Variants in BABAM2 observed in about 807,000 individuals in gnomAD.
BABAM2 encodes BRISC and BRCA1-A complex member 2.
Under a neutral mutation model 54.7 loss-of-function variants are expected in BABAM2, and 31 were observed. That is an observed-to-expected ratio of 0.57 (90% CI 0.43 to 0.77). BABAM2 has a LOEUF of 0.77. Ranked by LOEUF, BABAM2 falls within the 30% of genes least tolerant of loss-of-function variation. BABAM2 has a pLI of 0.00. For missense variants in BABAM2, 364 were observed against 455.8 expected, an observed-to-expected ratio of 0.80 and a Z score of 1.83; for synonymous variants, 167 against 162.9, an observed-to-expected ratio of 1.03 and a Z score of -0.19.
chr2:27,984,472 A>T (rs2148479162), intron 3 of BABAM2, among the ~76,000 whole-genome samples: 1 of 152,218 alleles, frequency 6.6e-6, no homozygotes, highest in East Asian at 1.9e-4. Flanking sequence ...ACAATTGATC[A>T]TCTGAGATGA....
intron 3 of BABAM2, among the ~76,000 whole-genome samples, chr2:27,984,045 A>G (rs1338173122): frequency 2.1e-5 from 3 of 145,996 alleles, no homozygotes; most frequent in African/African-American, 5.1e-5. Flanking sequence ...GATTTTTTCA[A>G]TGTTTACCAG....
At chr2:27,982,258 TA>T (rs2148474135) in intron 3 of BABAM2, among the ~76,000 whole-genome samples, 1 of 152,212 alleles carries the variant, frequency 6.6e-6, no homozygotes, top group African/African-American at 2.4e-5. Context: ...ACAAGTCCTT[TA>T]TTAGCTATGT....
intron 10 of BABAM2, among the ~76,000 whole-genome samples, chr2:28,266,383 T>G (rs554657964): frequency 5.9e-5 from 9 of 152,326 alleles, no homozygotes; most frequent in Admixed American, 3.9e-4. Flanking sequence ...GATGTGCAGT[T>G]CTTAACCTCC....
At chr2:27,938,388 GGTCTT>G (rs1668638648) in intron 3 of BABAM2, among the ~76,000 whole-genome samples, 1 of 151,840 alleles carries the variant, frequency 6.6e-6, no homozygotes, top group South Asian at 2.1e-4. Flanking sequence ...AAACAGAAAA[GGTCTT>G]TGCCTTTTTT....
At chr2:28,036,137 G>A (rs1303807763) in intron 5 of BABAM2, among the ~76,000 whole-genome samples, 2 of 152,036 alleles carry the variant, frequency 1.3e-5, no homozygotes, top group Admixed American at 1.3e-4. Context: ...TTAGATGTAG[G>A]GTGCACTCCT....
Position 28,322,876 on chromosome 2 carries a change from T to C in BABAM2, c.1089-15574T>C, listed in dbSNP as rs1394483191. On this transcript the variant is annotated intron_variant, in intron 11 of 11. Coordinates refer to ENST00000379624, the MANE Select transcript of BABAM2 (RefSeq NM_199191.3). This position sits in a 1 kb window ranked among gnomAD's most constrained non-coding sequence, Gnocchi z 4.1. ...CCCCCAATGAAAGGCCTTGTATAAA[T>C]GTAAATTATCATTATTGTCATTAAA... Among the ~76,000 whole-genome samples the C allele has an allele frequency of 1.3e-5, 2 of 152,228 alleles. No individual in the cohort carries two copies. The highest frequency in any genetic ancestry group is 2.9e-5 in the Non-Finnish European group (2 of 68,036).
At chr2:28,127,862 A>G (rs1669698483) in intron 6 of BABAM2, among the ~76,000 whole-genome samples, 1 of 146,896 alleles carries the variant, frequency 6.8e-6, no homozygotes, top group African/African-American at 2.5e-5. Flanking sequence ...GCTGGAGTGC[A>G]GTGGTGCCAT....
At chr2:28,045,858 A>G in intron 6 of BABAM2, 59 bp downstream of exon 6, 1 of 1,322,980 alleles carries the variant, frequency 7.6e-7, no homozygotes, top group East Asian at 2.4e-5. Flanking sequence ...TAATTATTTA[A>G]CTCAATATTT....
intron 4 of BABAM2, among the ~76,000 whole-genome samples, chr2:27,994,607 AG>A (rs1673008292): frequency 6.6e-6 from 1 of 152,182 alleles, no homozygotes; most frequent in African/African-American, 2.4e-5. Context: ...TTTATTTGTG[AG>A]TGTCATCCAT....
At chr2:28,151,879 A>C (rs1233236239) in intron 7 of BABAM2, among the ~76,000 whole-genome samples, 1 of 152,166 alleles carries the variant, frequency 6.6e-6, no homozygotes, top group Non-Finnish European at 1.5e-5. Context: ...CCCTTTTGGT[A>C]GTCTTCACAC....
chr2:28,282,807 C>T lies in BABAM2; in HGVS notation c.935-15531C>T, dbSNP rs571552172. Among the ~76,000 whole-genome samples the T allele has an allele frequency of 2.6e-5, 4 of 151,750 alleles. No homozygotes were observed. The East Asian group carries it at 5.8e-4, about 22-fold the overall frequency. Reference sequence around the variant, plus strand: ...GAGGTCAGGAGTTCAAGACCAGCCTCGCCAACATGGTGAAACCCCATCTCT... The same window carrying T: ...GAGGTCAGGAGTTCAAGACCAGCCTTGCCAACATGGTGAAACCCCATCTCT... On this transcript the variant is annotated intron_variant, in intron 10 of 11. Coordinates refer to ENST00000379624, the MANE Select transcript of BABAM2 (RefSeq NM_199191.3).
At chr2:28,141,893 T>C (rs1671097265) in intron 7 of BABAM2, among the ~76,000 whole-genome samples, 2 of 152,200 alleles carry the variant, frequency 1.3e-5, no homozygotes, top group African/African-American at 4.8e-5. Flanking sequence ...GTTGTTCTAC[T>C]TCATCTTTGC....
At chr2:27,984,538 A>G (rs1198924531) in intron 3 of BABAM2, among the ~76,000 whole-genome samples, 2 of 152,064 alleles carry the variant, frequency 1.3e-5, no homozygotes, top group East Asian at 3.8e-4. Context: ...ATTTAATTTT[A>G]TACCTGTCTT....
intron 7 of BABAM2, among the ~76,000 whole-genome samples, chr2:28,150,719 T>C (rs765090503): frequency 6.6e-6 from 1 of 152,184 alleles, no homozygotes; most frequent in African/African-American, 2.4e-5. Context: ...TCAGGACTTC[T>C]GTGTTCTGGC....
At chr2:28,287,800 G>A (rs1686949277) in intron 10 of BABAM2, among the ~76,000 whole-genome samples, 1 of 152,184 alleles carries the variant, frequency 6.6e-6, no homozygotes, top group Non-Finnish European at 1.5e-5. Flanking sequence ...TATATCCAGA[G>A]GGCACAGAAC....
chr2:27,907,555 A>G (rs559367257), intron 2 of BABAM2, among the ~76,000 whole-genome samples: 1 of 152,324 alleles, frequency 6.6e-6, no homozygotes, highest in South Asian at 2.1e-4. Context: ...TACAATTTTC[A>G]TTATTTTTAA....
At chr2:28,317,643 C>CTTGACAGCCAAAACAACCTG (rs1318440804) in intron 11 of BABAM2, among the ~76,000 whole-genome samples, 1 of 152,222 alleles carries the variant, frequency 6.6e-6, no homozygotes, top group Non-Finnish European at 1.5e-5. Context: ...TTTGAAAATG[C>CTTGACAGCCAAAACAACCTG]TTGACAGCCA....
chr2:27,923,942 A>G (rs914502161), intron 2 of BABAM2, among the ~76,000 whole-genome samples: 1 of 152,224 alleles, frequency 6.6e-6, no homozygotes, highest in African/African-American at 2.4e-5. Flanking sequence ...ACTGTACTCC[A>G]GCTTGGGTGA....
At chr2:28,295,749 A>G (rs1687634751) in intron 10 of BABAM2, among the ~76,000 whole-genome samples, 1 of 151,944 alleles carries the variant, frequency 6.6e-6, no homozygotes, top group Admixed American at 6.5e-5. Context: ...TGCCTGCCTC[A>G]GCCTCCCAAA....
Sources: allele counts gnomAD v4.1 joint callset (sites outside exome capture counted in the v4.1 genomes callset), GRCh38; gene constraint gnomAD v4.1.1; non-coding constraint Gnocchi (gnomAD v3.1); transcripts MANE v1.5; gene names NCBI Gene and HGNC (gene_info 2026-07-23, HGNC 2026-07-21).